SNX30: variants seen among roughly 807,000 people sequenced by gnomAD.
The protein encoded by SNX30 is sorting nexin-30.
In SNX30, 24 loss-of-function variants were observed where a neutral mutation model predicts 46.4. The ratio of observed to expected loss-of-function variants is 0.52; its 90% CI spans 0.37 to 0.73. SNX30 has a LOEUF of 0.73. Among genes scored for constraint, SNX30 ranks in the 30% least tolerant of loss-of-function variants. The pLI, the probability that SNX30 is intolerant of heterozygous loss-of-function variation, is 0.00. For missense variants in SNX30, 533 were observed against 555.7 expected (o/e 0.96, Z 0.41); for synonymous variants, 189 against 211.5 (o/e 0.89, Z 0.92).
intron 1 of SNX30, among the ~76,000 whole-genome samples, chr9:112,757,511 G>T (rs1839369682): frequency 6.6e-6 from 1 of 152,196 alleles, no homozygotes; most frequent in African/African-American, 2.4e-5. Flanking sequence ...CTTTGGGTAT[G>T]TGCCCAGAAG....
rs1588146641 is a variant in SNX30 at position 112,874,057 on chromosome 9, G to C, written c.*5214G>C. 6.6e-6 allele frequency: 1 copy of C among 152,310 alleles called. No homozygotes were observed. The highest frequency in any genetic ancestry group is 2.1e-4 in the South Asian group (1 of 4,828). The allele number at this position is 152,310 out of a possible 1,614,324, so 9.4% of individuals were successfully genotyped here. On this transcript the variant is annotated 3_prime_UTR_variant, in exon 9 of 9. Coordinates refer to ENST00000374232, the MANE Select transcript of SNX30 (RefSeq NM_001012994.2). ...AGCAACACCCCTGTTGGACAGGATT[G>C]ATTGTTCGCAGTCTTAGACCAACAC...
chr9:112,775,870 C>T (rs1245727492), intron 1 of SNX30, among the ~76,000 whole-genome samples: 2 of 146,958 alleles, frequency 1.4e-5, no homozygotes. Flanking sequence ...GGCGATTGTT[C>T]CATATTAGCA....
At chr9:112,880,048 G>A (rs1009639570) in exon 5 of SNX30, 17 of 428,472 alleles carry the variant, frequency 4.0e-5, no homozygotes, top group Admixed American at 1.4e-4. Flanking sequence ...GAATCTCTGG[G>A]GGCCAGGCAT....
intron 7 of SNX30, among the ~76,000 whole-genome samples, chr9:112,853,445 T>C (rs1841066779): frequency 1.3e-5 from 2 of 152,260 alleles, no homozygotes; most frequent in African/African-American, 2.4e-5. Flanking sequence ...TGCCATCTAC[T>C]GAAGCCATGT....
At chr9:112,796,422 G>A (rs1749933648) in intron 1 of SNX30, among the ~76,000 whole-genome samples, 1 of 152,206 alleles carries the variant, frequency 6.6e-6, no homozygotes, top group Non-Finnish European at 1.5e-5. Flanking sequence ...ACACTGGGGT[G>A]TGGACGCCGT....
intron 3 of SNX30, among the ~76,000 whole-genome samples, chr9:112,827,627 T>A (rs1588129708): frequency 6.6e-6 from 1 of 152,196 alleles, no homozygotes; most frequent in Admixed American, 6.5e-5. Context: ...TATTCCACTT[T>A]TTTGGGTTGG....
chr9:112,840,987 C>T (rs569024197), intron 6 of SNX30, among the ~76,000 whole-genome samples: 1 of 151,968 alleles, frequency 6.6e-6, no homozygotes, highest in South Asian at 2.1e-4. Context: ...TGGTCTCGAT[C>T]TCCTGACCTC....
intron 1 of SNX30, among the ~76,000 whole-genome samples, chr9:112,767,604 T>C (rs973518622): frequency 1.3e-4 from 20 of 150,652 alleles, no homozygotes; most frequent in African/African-American, 4.4e-4. Flanking sequence ...TTTTTTACTT[T>C]TTTGAGACAG....
At chr9:112,827,613 C>G (rs911746233) in intron 3 of SNX30, among the ~76,000 whole-genome samples, 4 of 152,098 alleles carry the variant, frequency 2.6e-5, no homozygotes, top group African/African-American at 9.7e-5. Context: ...TCCAAGTGGC[C>G]TAGTATTCCA....
At chr9:112,774,213 G>A (rs944549267) in intron 1 of SNX30, among the ~76,000 whole-genome samples, 2 of 152,096 alleles carry the variant, frequency 1.3e-5, no homozygotes, top group African/African-American at 4.8e-5. Context: ...TCTACCCCAA[G>A]ATTAAAAAGA....
At chr9:112,849,796 C>G (rs1386714115) in intron 6 of SNX30, among the ~76,000 whole-genome samples, 1 of 152,204 alleles carries the variant, frequency 6.6e-6, no homozygotes, top group Non-Finnish European at 1.5e-5. Context: ...GCCTTGACTC[C>G]TCACGCTGCT....
At chr9:112,806,695 A>G (rs747150153) in intron 2 of SNX30, among the ~76,000 whole-genome samples, 1 of 152,232 alleles carries the variant, frequency 6.6e-6, no homozygotes, top group Non-Finnish European at 1.5e-5. Context: ...TGAAGGCCAC[A>G]TGCTGAGTGG....
chr9:112,784,698 C>T (rs74962409), intron 1 of SNX30, among the ~76,000 whole-genome samples: 9,907 of 152,204 alleles, frequency 0.065, 713 homozygotes, highest in African/African-American at 0.18. Flanking sequence ...TTCCAGTGAA[C>T]GTCAGTAGGT....
At chr9:112,847,267 C>T (rs1564290099) in intron 6 of SNX30, among the ~76,000 whole-genome samples, 1 of 152,134 alleles carries the variant, frequency 6.6e-6, no homozygotes, top group Non-Finnish European at 1.5e-5. Context: ...CGTGCGTATC[C>T]CAGCCGTCCC....
chr9:112,765,116 G>C (rs1362383398), intron 1 of SNX30, among the ~76,000 whole-genome samples: 1 of 152,194 alleles, frequency 6.6e-6, no homozygotes, highest in South Asian at 2.1e-4. Context: ...CAGCTACCGG[G>C]TTCAGAAGCA....
At chr9:112,796,390 T>G (rs1211208781) in intron 1 of SNX30, among the ~76,000 whole-genome samples, 1 of 152,216 alleles carries the variant, frequency 6.6e-6, no homozygotes, top group South Asian at 2.1e-4. Context: ...AGAGAAGATG[T>G]TGTCCCCCTA....
rs191511986 is a variant in SNX30, at chr9:112,774,257, A to G, written c.156+23100A>G. 7.2e-5 allele frequency among the ~76,000 whole-genome samples: 11 copies of G among 152,334 alleles called. No individual in the cohort carries two copies. In the East Asian group the frequency reaches 1.5e-3, roughly 21 times the overall value. On this transcript the variant is annotated intron_variant, in intron 1 of 8. Transcript: ENST00000374232. ...AAACAGTGGAGAAAAACCTGAAACC[A>G]AAATTGGCTCTTTGAAAAAGAAATC...
At chr9:112,864,546 G>T (rs1347054451) in intron 8 of SNX30, 147 bp downstream of exon 8, 2 of 1,074,472 alleles carry the variant, frequency 1.9e-6, no homozygotes, top group African/African-American at 3.1e-5. Flanking sequence ...TCATGCCCTT[G>T]CCCAACCATG....
At position 112,759,797 on chromosome 9, in the gene SNX30, A is replaced by G. The variant is rs537931920; in HGVS notation, c.156+8640A>G. Among the ~76,000 whole-genome samples, 3 of 152,016 alleles carry G rather than the reference A, an allele frequency of 2.0e-5. No homozygotes were observed. The South Asian group carries it at 6.2e-4, about 32-fold the overall frequency. On this transcript the variant is annotated intron_variant, in intron 1 of 8. Transcript: ENST00000374232. Reference sequence around the variant, plus strand: ...GATTTGAATCTCAGCCCCACCACTTAGAGTCTTGGTAACAGCAAGTTGTTT... The same window carrying G: ...GATTTGAATCTCAGCCCCACCACTTGGAGTCTTGGTAACAGCAAGTTGTTT...
Sources: allele counts gnomAD v4.1 joint callset (sites outside exome capture counted in the v4.1 genomes callset), GRCh38; gene constraint gnomAD v4.1.1; transcripts MANE v1.5; gene names NCBI Gene and HGNC (gene_info 2026-07-23, HGNC 2026-07-21).